The following LNX1 variants were observed in gnomAD, a reference collection of about 807,000 sequenced individuals.
LNX1 encodes the protein E3 ubiquitin-protein ligase LNX.
In LNX1, 54 loss-of-function variants were observed where a neutral mutation model predicts 68.4. That is an observed-to-expected ratio of 0.79 (90% CI 0.63 to 0.99). LNX1 has a LOEUF of 0.99. Among genes scored for constraint, LNX1 ranks in the 50% least tolerant of loss-of-function variants. LNX1 has a pLI of 0.00. For synonymous variants in LNX1, 336 were observed against 350.0 expected (o/e 0.96, Z 0.45); for missense variants, 906 against 926.4 (o/e 0.98, Z 0.29).
upstream of LNX1, among the ~76,000 whole-genome samples, chr4:53,593,242 G>C (rs779384285): frequency 2.6e-5 from 4 of 152,234 alleles, no homozygotes; most frequent in Non-Finnish European, 5.9e-5. Context: ...CTGGGCAAGG[G>C]GGAGGGGAGG....
At chr4:53,576,256 C>T (rs965303008) in intron 1 of LNX1, 24 of 1,610,566 alleles carry the variant, frequency 1.5e-5, no homozygotes, top group Non-Finnish European at 2.0e-5. Context: ...GCAGCTGAAG[C>T]TTTCAGATGG....
intron 9 of LNX1, among the ~76,000 whole-genome samples, chr4:53,472,452 C>T (rs1224820350): frequency 1.3e-5 from 2 of 151,062 alleles, no homozygotes; most frequent in African/African-American, 2.4e-5. Context: ...CTAACCTGCA[C>T]GTTGTGCATA....
At chr4:53,532,052 A>G (rs959263554) in intron 2 of LNX1, among the ~76,000 whole-genome samples, 14 of 152,232 alleles carry the variant, frequency 9.2e-5, no homozygotes, top group African/African-American at 3.1e-4. Context: ...CCAAGCATCT[A>G]TTCAGTCTTG....
intron 9 of LNX1, among the ~76,000 whole-genome samples, chr4:53,465,208 C>T (rs149733523): frequency 6.6e-5 from 10 of 152,246 alleles, no homozygotes; most frequent in Admixed American, 3.9e-4. Flanking sequence ...GCCCAGTTTA[C>T]ATCTTTAAAA....
At chr4:53,565,005 G>C (rs1193822138) in intron 2 of LNX1, among the ~76,000 whole-genome samples, 1 of 152,166 alleles carries the variant, frequency 6.6e-6, no homozygotes, top group Non-Finnish European at 1.5e-5. Flanking sequence ...CCTACCCCAC[G>C]GAGTCTCGCT....
At chr4:53,595,357 C>T (rs1224223257), upstream of LNX1, among the ~76,000 whole-genome samples, 1 of 152,196 alleles carries the variant, frequency 6.6e-6, no homozygotes, top group Non-Finnish European at 1.5e-5. Flanking sequence ...TCGGGAACCT[C>T]AAGGGCTAAC....
At chr4:53,514,754 A>T (rs566419071) in intron 2 of LNX1, among the ~76,000 whole-genome samples, 1 of 152,020 alleles carries the variant, frequency 6.6e-6, no homozygotes, top group East Asian at 1.9e-4. Flanking sequence ...CAGGGAAAGT[A>T]CCCCCCTTGG....
Position 53,516,022 on chromosome 4 carries a change from G to T in LNX1, c.381-7795C>A, listed in dbSNP as rs74866954. ...TCCTAGAGCTTTGATAGGCTGGGGT[G>T]GAAAGATCACTTGAAGCCAGGAGTT... On this transcript the variant is annotated intron_variant, in intron 2 of 10. Coordinates refer to ENST00000263925, the MANE Select transcript of LNX1 (RefSeq NM_001126328.3). Among the ~76,000 whole-genome samples, 5 of 152,200 alleles carry T rather than the reference G, an allele frequency of 3.3e-5. 1 individual carries two copies. Among genetic ancestry groups the T allele is most frequent in the Admixed American group, 3.3e-4 (5 of 15,286 alleles).
rs771769366 is a variant in LNX1 at position 53,496,333 on chromosome 4, G to C, written c.1040C>G (p.Pro347Arg). 7 of 1,614,022 alleles carry C rather than the reference G, an allele frequency of 4.3e-6. No individual in the cohort carries two copies. The highest frequency in any genetic ancestry group is 5.9e-6 in the Non-Finnish European group (7 of 1,180,034). The change falls in exon 6 of 11, where the codon CCC becomes CGC. Residue 347 changes from proline (P) to arginine (R), a missense_variant. Transcript: ENST00000263925. ...HNYAVRLLRQ[P>R]CQVLWLTVMR... is the part of the protein sequence containing the mutation. Reference sequence around the variant, plus strand: ...CACAGTCAGCCACAGCACCTGGCAGGGCTGCCGCAGGAGACGCACAGCGTA... The same window carrying C: ...CACAGTCAGCCACAGCACCTGGCAGCGCTGCCGCAGGAGACGCACAGCGTA...
chr4:53,477,441 A>G (rs1022351998), intron 8 of LNX1, among the ~76,000 whole-genome samples: 2 of 152,164 alleles, frequency 1.3e-5, no homozygotes, highest in Non-Finnish European at 2.9e-5. Context: ...AGTGTCTGGC[A>G]GAGGAGTCTT....
intron 1 of LNX1, among the ~76,000 whole-genome samples, chr4:53,646,279 G>A (rs1008425450): frequency 1.4e-4 from 22 of 152,154 alleles, no homozygotes; most frequent in African/African-American, 5.3e-4. Context: ...TGACCGGAGT[G>A]GAGTAATAGG....
intron 9 of LNX1, among the ~76,000 whole-genome samples, chr4:53,469,409 C>T (rs1328527774): frequency 1.3e-5 from 2 of 151,972 alleles, no homozygotes; most frequent in South Asian, 2.1e-4. Context: ...AAATTGACAC[C>T]CTAACATCAC....
In LNX1 at chr4:53,501,303, G is replaced by GGGGGC. The variant is rs1235525068; in HGVS notation, c.776-2461_776-2460insGCCCC. Reference sequence around the variant, plus strand: ...AATCTTTTTTTTTTTTTTTTTTGGGGGTGGGGGGACAGGATCTCACTCTGT... The same window carrying GGGGGC: ...AATCTTTTTTTTTTTTTTTTTTGGGGGGGGCGTGGGGGGACAGGATCTCACTCTGT... On this transcript the variant is annotated intron_variant, in intron 4 of 10. Transcript: ENST00000263925. 6.9e-5 allele frequency among the ~76,000 whole-genome samples: 8 copies of GGGGGC among 115,448 alleles called. 1 individual carries two copies. Among genetic ancestry groups the GGGGGC allele is most frequent in the East Asian group, 5.3e-4 (2 of 3,740 alleles). The allele number at this position is 115,448 out of a possible 152,430, so 75.7% of individuals were successfully genotyped here. A position where few individuals can be genotyped will look rare whatever the true frequency, so the allele number is the denominator to read the frequency against.
intron 6 of LNX1, among the ~76,000 whole-genome samples, chr4:53,487,161 C>A (rs560854953): frequency 6.7e-6 from 1 of 149,828 alleles, no homozygotes; most frequent in South Asian, 2.1e-4. Flanking sequence ...AAACATGCCA[C>A]CACACAAGGA....
intron 2 of LNX1, among the ~76,000 whole-genome samples, chr4:53,510,788 T>C (rs946600569): frequency 3.9e-5 from 6 of 152,228 alleles, no homozygotes; most frequent in Non-Finnish European, 8.8e-5. Context: ...CTCTTGACCA[T>C]GTGCCCTGCC....
chr4:53,558,206 G>A (rs1246523304), intron 2 of LNX1: 5 of 1,294,368 alleles, frequency 3.9e-6, no homozygotes, highest in Admixed American at 3.4e-5. Context: ...GTTGGCGAGA[G>A]AGCTTAGGCT....
chr4:53,568,333 T>C (rs1264721541), intron 2 of LNX1, among the ~76,000 whole-genome samples: 8 of 151,652 alleles, frequency 5.3e-5, no homozygotes, highest in African/African-American at 1.7e-4. Flanking sequence ...GATGCAAGGC[T>C]GGTTCAATAT....
At chr4:53,478,465 C>A in intron 8 of LNX1, 100 bp downstream of exon 8, 1 of 1,079,176 alleles carries the variant, frequency 9.3e-7, no homozygotes, top group East Asian at 2.4e-5. Flanking sequence ...CGATCACTCC[C>A]ACATTCTCTC....
chr4:53,576,474 C>G, intron 1 of LNX1: 1 of 1,322,838 alleles, frequency 7.6e-7, no homozygotes, highest in Non-Finnish European at 9.7e-7. Context: ...CCCAGGACAG[C>G]CCTGCCCTTC....
Sources: allele counts gnomAD v4.1 joint callset (sites outside exome capture counted in the v4.1 genomes callset), GRCh38; gene constraint gnomAD v4.1.1; transcripts MANE v1.5; gene names NCBI Gene and HGNC (gene_info 2026-07-23, HGNC 2026-07-21).